The following SLC25A3 variants were observed in gnomAD, a reference collection of about 807,000 sequenced individuals.
The protein encoded by SLC25A3 is solute carrier family 25 member 3.
In SLC25A3, 14 loss-of-function variants were observed where a neutral mutation model predicts 37.1. The ratio of observed to expected loss-of-function variants is 0.38; its 90% CI spans 0.25 to 0.59. The LOEUF is 0.59. Among genes scored for constraint, SLC25A3 ranks in the 20% least tolerant of loss-of-function variants. The pLI is 0.67. For missense variants in SLC25A3, 385 were observed against 458.1 expected, an observed-to-expected ratio of 0.84 and a Z score of 1.46; for synonymous variants, 161 against 168.7, an observed-to-expected ratio of 0.95 and a Z score of 0.36.
Position 98,602,939 on chromosome 12 carries a change from A to C in SLC25A3, c.*1411A>C, listed in dbSNP as rs750794636. The C allele has an allele frequency of 2.2e-4, 34 of 152,230 alleles. No individual in the cohort carries two copies. Among genetic ancestry groups the C allele is most frequent in the Non-Finnish European group, 4.0e-4 (27 of 68,032 alleles). 9.4% of individuals were successfully genotyped at this position (152,230 alleles called of 1,614,324 possible). ...TTTAGAAGCCAGTGCAGCTAGTTGC[A>C]TGTTAACTTCTTTATATCATCATTG... On this transcript the variant is annotated 3_prime_UTR_variant, in exon 8 of 8. Coordinates refer to ENST00000552981, the MANE Select transcript of SLC25A3 (RefSeq NM_002635.4).
intron 5 of SLC25A3, among the ~76,000 whole-genome samples, chr12:98,599,299 C>T (rs1270237746): frequency 2.6e-5 from 4 of 152,060 alleles, no homozygotes; most frequent in East Asian, 1.9e-4. Flanking sequence ...GTGATCCACC[C>T]GCCTCGGCCT....
chr12:98,601,284 A>C lies in SLC25A3; in HGVS notation c.925+3A>C. 1 of 1,614,130 alleles carries C rather than the reference A, an allele frequency of 6.2e-7. No individual in the cohort carries two copies. The highest frequency in any genetic ancestry group is 8.5e-7 in the Non-Finnish European group (1 of 1,179,976). ...CCTCAAGAGACTTGGATTTAAAGGT[A>C]GGATGATGTTTTTTTCTTGAAAGAA... is the stretch of plus-strand genomic sequence containing the variant. On this transcript the variant is annotated splice_donor_region_variant and intron_variant, in intron 7 of 7. Transcript: ENST00000552981.
chr12:98,599,700 G>C, intron 5 of SLC25A3: 1 of 645,416 alleles, frequency 1.5e-6, no homozygotes, highest in Non-Finnish European at 2.9e-6. Context: ...TAAACTTCTT[G>C]TTTCTTGTGG....
chr12:98,601,622 T>C lies in SLC25A3; in HGVS notation c.*94T>C, dbSNP rs886049921. 7.5e-5 allele frequency: 61 copies of C among 815,774 alleles called. No individual in the cohort carries two copies. Among genetic ancestry groups the C allele is most frequent in the Non-Finnish European group, 5.9e-5 (28 of 473,504 alleles). The allele number at this position is 815,774 out of a possible 1,614,324, so 50.5% of individuals were successfully genotyped here. A position where few individuals can be genotyped will look rare whatever the true frequency, so the allele number is the denominator to read the frequency against. ...TTATATATTTGACAGTGTAGGAAAT[T>C]GTCTATTCCTGATATAATTACTGTA... On this transcript the variant is annotated 3_prime_UTR_variant, in exon 8 of 8. Coordinates refer to ENST00000552981, the MANE Select transcript of SLC25A3 (RefSeq NM_002635.4).
rs1309553752 is a variant in SLC25A3 at position 98,594,625 on chromosome 12, T to C, written c.157+490T>C. On this transcript the variant is annotated intron_variant, in intron 2 of 7. Transcript: ENST00000552981. ...TATGAGATAACTAGATGTCCTGTTTTCGTGCGACTGGAGGAGGCAGCTTGC... is the reference window on the plus strand; with the variant it reads ...TATGAGATAACTAGATGTCCTGTTTCCGTGCGACTGGAGGAGGCAGCTTGC... 6.2e-6 allele frequency: 3 copies of C among 480,026 alleles called. No homozygotes were observed. The East Asian group carries it at 1.2e-4, about 19-fold the overall frequency. 29.7% of individuals were successfully genotyped at this position (480,026 alleles called of 1,614,324 possible).
chr12:98,604,271 T>C lies in SLC25A3; in HGVS notation c.*2743T>C, dbSNP rs1019304259. 1 of 136,466 alleles carries C rather than the reference T, an allele frequency of 7.3e-6. No individual in the cohort carries two copies. The highest frequency in any genetic ancestry group is 1.6e-5 in the Non-Finnish European group (1 of 62,958). 8.5% of individuals were successfully genotyped at this position (136,466 alleles called of 1,614,324 possible). On this transcript the variant is annotated 3_prime_UTR_variant, in exon 8 of 8. Coordinates refer to ENST00000552981, the MANE Select transcript of SLC25A3 (RefSeq NM_002635.4). ...CTGTCTCAAAAAAAAAAAATATATATATATATATATATATATGAAGCTGAT... is the reference window on the plus strand; with the variant it reads ...CTGTCTCAAAAAAAAAAAATATATACATATATATATATATATGAAGCTGAT...
chr12:98,600,974 A>G, intron 6 of SLC25A3, 197 bp from the exon 7 acceptor site: 1 of 554,230 alleles, frequency 1.8e-6, no homozygotes, highest in Non-Finnish European at 3.1e-6. Context: ...AAAGTGTTGA[A>G]TAAAATCTGA....
chr12:98,596,703 A>G (rs1190030957), intron 3 of SLC25A3, among the ~76,000 whole-genome samples: 2 of 152,156 alleles, frequency 1.3e-5, no homozygotes, highest in East Asian at 1.9e-4. Flanking sequence ...TCTATTATCT[A>G]GACAGTAGCT....
chr12:98,597,551 GT>G (rs1565830229), intron 3 of SLC25A3: 1 of 351,052 alleles, frequency 2.8e-6, no homozygotes, highest in Admixed American at 4.3e-5. Context: ...ACCCTCCCGA[GT>G]AGCTGGGATT....
At position 98,598,537 on chromosome 12, in the gene SLC25A3, T is replaced by G. The variant is rs768364106; in HGVS notation, c.475T>G (p.Trp159Gly). 2 of 1,612,708 alleles carry G rather than the reference T, an allele frequency of 1.2e-6. No homozygotes were observed. Residue 159 changes from tryptophan (W) to glycine (G), a missense_variant, in exon 5 of 8, where the codon TGG becomes GGG. Around this residue, in one of 2 missense-constraint regions of SLC25A3, gnomAD observed 276 missense variants for 367.6 expected, o/e 0.75. Coordinates refer to ENST00000552981, the MANE Select transcript of SLC25A3 (RefSeq NM_002635.4). Reference protein sequence around the residue: ...NMLGEENTYLWRTSLYLAASA... With the variant: ...NMLGEENTYLGRTSLYLAASA... ...TGGATTTTAGGAGAATACTTATCTC[T>G]GGCGCACATCACTATATTTGGCTGC... is the stretch of plus-strand genomic sequence containing the variant.
rs895759029 is a variant in SLC25A3, at chr12:98,593,874, G to A, written c.-4-101G>A. 4 of 1,347,334 alleles carry A rather than the reference G, an allele frequency of 3.0e-6. No homozygotes were observed. In the East Asian group the frequency reaches 7.3e-5, roughly 25 times the overall value. 83.5% of individuals were successfully genotyped at this position (1,347,334 alleles called of 1,614,324 possible). A position where few individuals can be genotyped will look rare whatever the true frequency, so the allele number is the denominator to read the frequency against. On this transcript the variant is annotated intron_variant, in intron 1 of 7. Coordinates refer to ENST00000552981, the MANE Select transcript of SLC25A3 (RefSeq NM_002635.4). ...AGGCCGCCGTGACCTCTTCAAGGGC[G>A]TGGAGACGGGAAGGAAAAGGCCCCG...
Position 98,602,642 on chromosome 12 carries a change from G to A in SLC25A3, c.*1114G>A, listed in dbSNP as rs2153288943. ...GCTCCTAGAAAGTGAATTAGTTTTT[G>A]TGTTTAGATTCCCCTTAAGTTTGAT... On this transcript the variant is annotated 3_prime_UTR_variant, in exon 8 of 8. Transcript: ENST00000552981. 1 of 152,184 alleles carries A rather than the reference G, an allele frequency of 6.6e-6. No homozygotes were observed. The highest frequency in any genetic ancestry group is 1.9e-4 in the East Asian group (1 of 5,182). The allele number at this position is 152,184 out of a possible 1,614,324, so 9.4% of individuals were successfully genotyped here.
intron 3 of SLC25A3, chr12:98,597,615 G>A: frequency 4.3e-6 from 2 of 462,904 alleles, no homozygotes; most frequent in Non-Finnish European, 7.8e-6. Context: ...GTAGAGATGG[G>A]GTTTCACTGT....
intron 3 of SLC25A3, among the ~76,000 whole-genome samples, chr12:98,596,884 G>A (rs1484627133): frequency 6.6e-6 from 1 of 152,092 alleles, no homozygotes; most frequent in Non-Finnish European, 1.5e-5. Context: ...AGCTGGGCAT[G>A]GTGGCGTGCC....
chr12:98,593,830 C>T (rs1280463619), intron 1 of SLC25A3, 90 bp downstream of exon 1: 3 of 879,178 alleles, frequency 3.4e-6, no homozygotes, highest in Non-Finnish European at 3.6e-6. Context: ...TGGGCCCAGC[C>T]GGGAGCAGCC....
At chr12:98,595,436 A>G in intron 2 of SLC25A3, 1 of 1,613,772 alleles carries the variant, frequency 6.2e-7, no homozygotes, top group Non-Finnish European at 8.5e-7. Context: ...CAAACAGAGC[A>G]GTATAGCTGT....
intron 6 of SLC25A3, 79 bp from the exon 7 acceptor site, chr12:98,601,092 A>T: frequency 1.3e-6 from 2 of 1,494,478 alleles, no homozygotes; most frequent in South Asian, 1.2e-5. Context: ...ATATTATTTT[A>T]AAATCATAAA....
At chr12:98,593,900 G>C (rs1220290056) in intron 1 of SLC25A3, 75 bp from the exon 2 acceptor site, 2 of 1,569,166 alleles carry the variant, frequency 1.3e-6, no homozygotes, top group African/African-American at 1.4e-5. Context: ...AAAGGCCCCG[G>C]TTGGGGTTCC....
chr12:98,601,155 C>A lies in SLC25A3; in HGVS notation c.815-16C>A, dbSNP rs767952308. On this transcript the variant is annotated splice_polypyrimidine_tract_variant and intron_variant, in intron 6 of 7. Coordinates refer to ENST00000552981, the MANE Select transcript of SLC25A3 (RefSeq NM_002635.4). ...TTTTTAACTGGCACTGTATGGGATC[C>A]TTTATCTTTTTTCAGCTGGAGTCTT... 2 of 1,611,314 alleles carry A rather than the reference C, an allele frequency of 1.2e-6. No individual in the cohort carries two copies. The highest frequency in any genetic ancestry group is 4.5e-5 in the East Asian group (2 of 44,868).
Sources: gnomAD v4.1 joint callset for allele counts (sites outside exome capture counted in the v4.1 genomes callset) on GRCh38, gnomAD v4.1.1 for gene constraint, gnomAD v4.1.1 regional missense constraint, MANE v1.5 for transcripts, NCBI Gene and HGNC (gene_info 2026-07-23, HGNC 2026-07-21) for gene names.